The following AKR1A1 variants were observed in gnomAD, a reference collection of about 807,000 sequenced individuals.
AKR1A1 encodes aldo-keto reductase family 1 member A1, also known as HEL-S-165mP.
Under a neutral mutation model 39.2 loss-of-function variants are expected in AKR1A1, and 26 were observed. The ratio of observed to expected loss-of-function variants is 0.66; its 90% CI spans 0.49 to 0.92. The LOEUF (loss-of-function observed/expected upper bound fraction) is 0.92, where lower values mean the gene tolerates loss of function less well. AKR1A1 is among the 40% of genes least tolerant of loss of function. The probability of loss-of-function intolerance (pLI) is 0.00; values close to 1 mark genes in which losing one functional copy is unlikely to be tolerated. For synonymous variants in AKR1A1, 141 were observed against 155.5 expected, an observed-to-expected ratio of 0.91 and a Z score of 0.69; for missense variants, 378 against 406.5, an observed-to-expected ratio of 0.93 and a Z score of 0.60.
chr1:45,556,044 G>C (rs1194489059), intron 1 of AKR1A1, among the ~76,000 whole-genome samples: 1 of 152,146 alleles, frequency 6.6e-6, no homozygotes, highest in Non-Finnish European at 1.5e-5. Context: ...TCCCACACCA[G>C]CATATGTGGG....
chr1:45,555,702 T>C (rs539798794), intron 1 of AKR1A1, among the ~76,000 whole-genome samples: 34 of 152,298 alleles, frequency 2.2e-4, no homozygotes, highest in African/African-American at 7.9e-4. Flanking sequence ...ACGGGATGAC[T>C]ATACAGAAAG....
rs1376979884 is a variant in AKR1A1 at position 45,566,916 on chromosome 1, C to A, written c.252C>A (p.Thr84=). ...TTGTGACATCCAAGCTGTGGAACACCAAGCACCACCCCGAGGATGTGGAGC... is the reference window on the plus strand; with the variant it reads ...TTGTGACATCCAAGCTGTGGAACACAAAGCACCACCCCGAGGATGTGGAGC... The part of the protein sequence containing the change: ...ELFVTSKLWN[T]KHHPEDVEPA... Residue 84 remains threonine (T), a synonymous_variant, in exon 4 of 9, where the codon ACC becomes ACA. Coordinates refer to ENST00000351829, the MANE Select transcript of AKR1A1 (RefSeq NM_153326.3). 1.2e-6 allele frequency: 2 copies of A among 1,614,044 alleles called. No homozygotes were observed. The highest frequency in any genetic ancestry group is 1.7e-6 in the Non-Finnish European group (2 of 1,180,024).
At chr1:45,562,164 A>AT (rs1244845452) in intron 2 of AKR1A1, among the ~76,000 whole-genome samples, 1 of 151,886 alleles carries the variant, frequency 6.6e-6, no homozygotes, top group Non-Finnish European at 1.5e-5. Flanking sequence ...GACCCCTAAT[A>AT]TGGCAGTTAT....
At chr1:45,561,459 A>C (rs1644276679) in intron 1 of AKR1A1, among the ~76,000 whole-genome samples, 1 of 152,020 alleles carries the variant, frequency 6.6e-6, no homozygotes. Flanking sequence ...GCTGGAGTGC[A>C]GTGGCGCAAT....
chr1:45,560,725 C>CTTTT (rs565611681), intron 1 of AKR1A1, among the ~76,000 whole-genome samples: 5 of 114,336 alleles, frequency 4.4e-5, no homozygotes, highest in African/African-American at 1.3e-4. Context: ...CTCTGCAGTT[C>CTTTT]TTTTTTTTTT....
At chr1:45,557,587 CCTTCT>C (rs1289409555) in intron 1 of AKR1A1, among the ~76,000 whole-genome samples, 3 of 152,150 alleles carry the variant, frequency 2.0e-5, no homozygotes, top group African/African-American at 7.2e-5. Context: ...AATTTCAGAG[CCTTCT>C]CATGCGTGCT....
At chr1:45,558,483 C>T (rs1418718789) in intron 1 of AKR1A1, among the ~76,000 whole-genome samples, 2 of 151,158 alleles carry the variant, frequency 1.3e-5, no homozygotes, top group Admixed American at 6.6e-5. Context: ...ACTGCAACCT[C>T]CACCTCCCGA....
At chr1:45,568,712 C>T (rs778456663) in intron 6 of AKR1A1, 28 bp downstream of exon 6, 2 of 1,612,004 alleles carry the variant, frequency 1.2e-6, no homozygotes, top group South Asian at 2.2e-5. Flanking sequence ...GGAGAGGGCC[C>T]TGGGTTGGGA....
chr1:45,558,070 A>C (rs966494459), intron 1 of AKR1A1, among the ~76,000 whole-genome samples: 1 of 150,232 alleles, frequency 6.7e-6, no homozygotes, highest in African/African-American at 2.5e-5. Flanking sequence ...CACCATGTCC[A>C]GCTAATTTTT....
At position 45,566,589 on chromosome 1, in the gene AKR1A1, T is replaced by C; in HGVS notation, c.105T>C (p.Tyr35=). ...EPGQVKAAVK[Y]ALSVGYRHID... ...GGCAGGTAAAAGCAGCTGTTAAGTATGCCCTTAGCGTAGGCTACCGCCACA... is the reference window on the plus strand; with the variant it reads ...GGCAGGTAAAAGCAGCTGTTAAGTACGCCCTTAGCGTAGGCTACCGCCACA... Residue 35 remains tyrosine (Y), a synonymous_variant, in exon 3 of 9, where the codon TAT becomes TAC. Transcript: ENST00000351829. 6.2e-7 allele frequency: 1 copy of C among 1,614,262 alleles called. No individual in the cohort carries two copies. The highest frequency in any genetic ancestry group is 8.5e-7 in the Non-Finnish European group (1 of 1,180,044).
chr1:45,558,034 C>T (rs959457593), intron 1 of AKR1A1, among the ~76,000 whole-genome samples: 3 of 150,274 alleles, frequency 2.0e-5, no homozygotes, highest in African/African-American at 7.4e-5. Context: ...CTCAGCCACC[C>T]GAGTAGCTGG....
chr1:45,555,487 A>T (rs1184165838), intron 1 of AKR1A1, among the ~76,000 whole-genome samples: 1 of 143,022 alleles, frequency 7.0e-6, no homozygotes, highest in South Asian at 2.3e-4. Context: ...AACTGTGTCT[A>T]AAAAAAAAAA....
intron 1 of AKR1A1, among the ~76,000 whole-genome samples, chr1:45,557,310 C>T (rs1328221504): frequency 5.9e-5 from 9 of 151,946 alleles, no homozygotes; most frequent in East Asian, 3.9e-4. Context: ...GGCTGGAAAG[C>T]AGTTGTATCA....
At chr1:45,563,139 C>T (rs1465612856) in intron 2 of AKR1A1, among the ~76,000 whole-genome samples, 2 of 149,988 alleles carry the variant, frequency 1.3e-5, no homozygotes, top group Admixed American at 6.7e-5. Flanking sequence ...CTGTGGCTCA[C>T]GCCTATAATC....
intron 5 of AKR1A1, 139 bp from the exon 6 acceptor site, chr1:45,568,346 G>T: frequency 1.6e-6 from 2 of 1,241,828 alleles, no homozygotes; most frequent in Non-Finnish European, 2.3e-6. Context: ...TGAAATTGCC[G>T]ATGGGAAATG....
rs564594571 is a variant in AKR1A1 at position 45,556,592 on chromosome 1, A to T, written c.-6-5197A>T. Among the ~76,000 whole-genome samples the T allele has an allele frequency of 3.3e-5, 5 of 150,560 alleles. No individual in the cohort carries two copies. The South Asian group carries it at 1.1e-3, about 32-fold the overall frequency. On this transcript the variant is annotated intron_variant, in intron 1 of 8. Transcript: ENST00000351829. Reference sequence around the variant, plus strand: ...CAAGACTCCGTCTTAAAAGAAAAAAAGGATAGCCGGGCGCAGTGGCTCACG... The same window carrying T: ...CAAGACTCCGTCTTAAAAGAAAAAATGGATAGCCGGGCGCAGTGGCTCACG...
At chr1:45,559,634 C>CTTTTTTTTTTTT (rs71056306) in intron 1 of AKR1A1, among the ~76,000 whole-genome samples, 37 of 73,156 alleles carry the variant, frequency 5.1e-4, no homozygotes, top group Non-Finnish European at 7.2e-4. Flanking sequence ...CTTTTCTTTT[C>CTTTTTTTTTTTT]TTTTTTTTTT....
chr1:45,560,725 C>CTTT (rs565611681), intron 1 of AKR1A1, among the ~76,000 whole-genome samples: 27 of 114,332 alleles, frequency 2.4e-4, no homozygotes, highest in Admixed American at 3.7e-4. Flanking sequence ...CTCTGCAGTT[C>CTTT]TTTTTTTTTT....
intron 4 of AKR1A1, 90 bp downstream of exon 4, chr1:45,567,110 A>G (rs768593638): frequency 2.0e-6 from 3 of 1,510,196 alleles, no homozygotes; most frequent in Admixed American, 2.0e-5. Flanking sequence ...GCAGAGCAGG[A>G]TAGGAACACT....
Sources: allele counts gnomAD v4.1 joint callset (sites outside exome capture counted in the v4.1 genomes callset), GRCh38; gene constraint gnomAD v4.1.1; transcripts MANE v1.5; gene names NCBI Gene and HGNC (gene_info 2026-07-23, HGNC 2026-07-21).